The following ATF6 variants were observed in gnomAD, a reference collection of about 807,000 sequenced individuals.
ATF6 encodes activating transcription factor 6.
A neutral mutation model predicts 83.6 loss-of-function variants in ATF6; 53 were observed. That is an observed-to-expected ratio of 0.63 (90% CI 0.51 to 0.80). The LOEUF is 0.80. ATF6 is among the 30% of genes least tolerant of loss of function. ATF6 has a pLI of 0.00. For missense variants in ATF6, 744 were observed against 797.9 expected (o/e 0.93, Z 0.81); for synonymous variants, 288 against 285.8 (o/e 1.01, Z -0.08).
chr1:161,882,592 A>G (rs955553250), intron 14 of ATF6, among the ~76,000 whole-genome samples: 4 of 152,112 alleles, frequency 2.6e-5, no homozygotes, highest in Non-Finnish European at 4.4e-5. Context: ...GGAATAGTTT[A>G]TGCTGTAGTA....
chr1:161,929,576 A>G (rs1309429300), intron 15 of ATF6, among the ~76,000 whole-genome samples: 2 of 152,236 alleles, frequency 1.3e-5, no homozygotes, highest in Non-Finnish European at 2.9e-5. Flanking sequence ...GGTCAGCTCT[A>G]TCTCACAAGA....
At chr1:161,938,777 A>G (rs1467683037) in intron 15 of ATF6, among the ~76,000 whole-genome samples, 1 of 152,242 alleles carries the variant, frequency 6.6e-6, no homozygotes, top group African/African-American at 2.4e-5. Flanking sequence ...ATCTTTTTAA[A>G]GAGAGAATTA....
At chr1:161,866,931 G>A (rs1010882018) in intron 14 of ATF6, among the ~76,000 whole-genome samples, 1 of 151,970 alleles carries the variant, frequency 6.6e-6, no homozygotes, top group African/African-American at 2.4e-5. Context: ...TTTATTTTTT[G>A]TAGAGATGGG....
chr1:161,767,424 T>A (rs1684290341), intron 1 of ATF6, among the ~76,000 whole-genome samples: 1 of 152,240 alleles, frequency 6.6e-6, no homozygotes, highest in African/African-American at 2.4e-5. Context: ...TTGGGTAGAT[T>A]TTTTAAGAGT....
chr1:161,808,420 G>A (rs1685357370), intron 7 of ATF6, among the ~76,000 whole-genome samples: 1 of 151,994 alleles, frequency 6.6e-6, no homozygotes, highest in Admixed American at 6.6e-5. Flanking sequence ...TCTTTAATAT[G>A]TAAGTACTTA....
At chr1:161,902,254 G>A (rs1476273966) in intron 14 of ATF6, among the ~76,000 whole-genome samples, 1 of 152,140 alleles carries the variant, frequency 6.6e-6, no homozygotes, top group African/African-American at 2.4e-5. Context: ...TCACCCAAGT[G>A]CTTTTTCTTG....
intron 14 of ATF6, among the ~76,000 whole-genome samples, chr1:161,879,693 A>C (rs1311753033): frequency 6.6e-6 from 1 of 152,088 alleles, no homozygotes; most frequent in Non-Finnish European, 1.5e-5. Flanking sequence ...TGATAGTCAC[A>C]CTGTATTATT....
chr1:161,929,960 G>A (rs897504284), intron 15 of ATF6, among the ~76,000 whole-genome samples: 32 of 152,272 alleles, frequency 2.1e-4, no homozygotes, highest in African/African-American at 7.2e-4. Context: ...TGGAGTCAAA[G>A]CCTTTTGTTC....
chr1:161,787,455 G>A (rs1684770257), intron 4 of ATF6, among the ~76,000 whole-genome samples: 1 of 152,074 alleles, frequency 6.6e-6, no homozygotes, highest in Admixed American at 6.5e-5. Context: ...GGGCTCTGAT[G>A]TCCTTACACT....
intron 1 of ATF6, among the ~76,000 whole-genome samples, chr1:161,773,511 C>T (rs1486900655): frequency 6.6e-6 from 1 of 152,134 alleles, no homozygotes; most frequent in Non-Finnish European, 1.5e-5. Flanking sequence ...TGTGATCCAC[C>T]CGCCTCGGCC....
intron 9 of ATF6, among the ~76,000 whole-genome samples, chr1:161,832,024 A>C (rs183070136): frequency 3.3e-5 from 5 of 152,094 alleles, no homozygotes; most frequent in Non-Finnish European, 5.9e-5. Context: ...TTTCCCTCAA[A>C]AGTCATTAAA....
intron 14 of ATF6, among the ~76,000 whole-genome samples, chr1:161,870,526 G>A (rs1687100094): frequency 6.6e-6 from 1 of 151,724 alleles, no homozygotes; most frequent in Non-Finnish European, 1.5e-5. Context: ...GTTTTTGTGT[G>A]TGTAAATACA....
intron 9 of ATF6, 29 bp downstream of exon 9, chr1:161,821,190 C>A: frequency 6.9e-7 from 1 of 1,443,712 alleles, no homozygotes. Context: ...ATTTTGGACA[C>A]TAATGCTAAA....
At chr1:161,918,277 ATAGT>A (rs779086957) in intron 15 of ATF6, among the ~76,000 whole-genome samples, 82 of 152,228 alleles carry the variant, frequency 5.4e-4, no homozygotes, top group Non-Finnish European at 7.6e-4. Flanking sequence ...ATAATTAATA[ATAGT>A]TAGCAAGCAC....
intron 12 of ATF6, among the ~76,000 whole-genome samples, chr1:161,857,814 A>AGG (rs925024802): frequency 6.6e-6 from 1 of 151,656 alleles, no homozygotes; most frequent in African/African-American, 2.4e-5. Flanking sequence ...TAAGAACACA[A>AGG]GGGGGGGAGG....
intron 8 of ATF6, among the ~76,000 whole-genome samples, chr1:161,820,471 G>C (rs1282087017): frequency 2.0e-5 from 3 of 152,208 alleles, no homozygotes; most frequent in African/African-American, 7.2e-5. Flanking sequence ...GTTGAATTCT[G>C]GTCGGGCGTG....
intron 14 of ATF6, among the ~76,000 whole-genome samples, chr1:161,886,074 AAG>A (rs1687412761): frequency 6.6e-6 from 1 of 152,184 alleles, no homozygotes; most frequent in African/African-American, 2.4e-5. Context: ...TTCAGAAAAC[AAG>A]AGAGTTGGTT....
chr1:161,770,672 AT>A (rs1162618987), intron 1 of ATF6, among the ~76,000 whole-genome samples: 1 of 152,198 alleles, frequency 6.6e-6, no homozygotes, highest in Non-Finnish European at 1.5e-5. Context: ...CAACATACGA[AT>A]TTTGGAGGAC....
chr1:161,813,783 G>A (rs896580610), intron 7 of ATF6, among the ~76,000 whole-genome samples: 1 of 151,844 alleles, frequency 6.6e-6, no homozygotes, highest in East Asian at 1.9e-4. Context: ...TCATTGCAAT[G>A]CTGGGCCAAG....
Sources: gnomAD v4.1 joint callset for allele counts (sites outside exome capture counted in the v4.1 genomes callset) on GRCh38, gnomAD v4.1.1 for gene constraint, MANE v1.5 for transcripts, NCBI Gene and HGNC (gene_info 2026-07-23, HGNC 2026-07-21) for gene names.